MYOM2: variants seen among roughly 807,000 people sequenced by gnomAD.
MYOM2 encodes myomesin-2.
Under a neutral mutation model 187.6 loss-of-function variants are expected in MYOM2, and 254 were observed. The observed-to-expected ratio is 1.35, with a 90% CI of 1.22 to 1.50. MYOM2 has a LOEUF of 1.50. MYOM2 is among the 40% of genes most tolerant of loss of function. The probability of loss-of-function intolerance (pLI) is 0.00; values close to 1 mark genes in which losing one functional copy is unlikely to be tolerated. For missense variants in MYOM2, 2,796 were observed against 1,924.0 expected (o/e 1.45, Z -8.48); for synonymous variants, 981 against 753.8 (o/e 1.30, Z -4.94).
intron 13 of MYOM2, chr8:2,082,318 G>C (rs75911057): frequency 1.3e-5 from 2 of 152,098 alleles, no homozygotes; most frequent in African/African-American, 2.4e-5. Context: ...ATAATGTTTC[G>C]AAGCGAACCA....
intron 6 of MYOM2, 30 bp from the exon 7 acceptor site, chr8:2,069,248 C>G: frequency 6.3e-7 from 1 of 1,597,360 alleles, no homozygotes; most frequent in Non-Finnish European, 8.6e-7. Flanking sequence ...AACAGTCCCG[C>G]AGACTTTCTC....
Position 2,092,422 on chromosome 8 carries a change from T to C in MYOM2, c.1905T>C (p.Pro635=), listed in dbSNP as rs2116737541. ...CGGTGGTGGTGCAGTGGGACCGACC[T>C]AAGCATGAGGAGGACCTGCTGGGCT... ...KTSVVVQWDR[P]KHEEDLLGYY... is the part of the protein sequence containing the mutation. The change falls in exon 16 of 37, where the codon CCT becomes CCC. Residue 635 remains proline, a synonymous_variant. Transcript: ENST00000262113. 1 of 1,614,186 alleles carries C rather than the reference T, an allele frequency of 6.2e-7. No individual in the cohort carries two copies. The highest frequency in any genetic ancestry group is 8.5e-7 in the Non-Finnish European group (1 of 1,180,026).
chr8:2,140,569 G>A (rs1798238801), intron 32 of MYOM2, among the ~76,000 whole-genome samples, 154 bp from the exon 33 acceptor site: 2 of 152,116 alleles, frequency 1.3e-5, no homozygotes, highest in Non-Finnish European at 2.9e-5. Flanking sequence ...TTACTGATGT[G>A]GTCAATACAT....
chr8:2,064,339 G>T (rs140614524), intron 6 of MYOM2, among the ~76,000 whole-genome samples: 1 of 152,200 alleles, frequency 6.6e-6, no homozygotes, highest in African/African-American at 2.4e-5. Context: ...AAGAGAAAAG[G>T]TGAGACAGCG....
Position 2,057,616 on chromosome 8 carries a change from G to T in MYOM2, c.403-7G>T, listed in dbSNP as rs777614031. ...GGGAACCTGACCATCCTTGCTTCTCGGGGCAGATGGAGGACAAGCTGGCCT... is the reference window on the plus strand; with the variant it reads ...GGGAACCTGACCATCCTTGCTTCTCTGGGCAGATGGAGGACAAGCTGGCCT... On this transcript the variant is annotated splice_polypyrimidine_tract_variant and splice_region_variant and intron_variant, in intron 4 of 36. Coordinates refer to ENST00000262113, the MANE Select transcript of MYOM2 (RefSeq NM_003970.4). 1 of 1,613,902 alleles carries T rather than the reference G, an allele frequency of 6.2e-7. No individual in the cohort carries two copies. The highest frequency in any genetic ancestry group is 8.5e-7 in the Non-Finnish European group (1 of 1,179,912).
rs1818653534 is a variant in MYOM2 at position 2,056,065 on chromosome 8, C to G, written c.264-1283C>G. Among the ~76,000 whole-genome samples the G allele has an allele frequency of 2.0e-5, 3 of 152,326 alleles. No homozygotes were observed. The South Asian group carries it at 6.2e-4, about 32-fold the overall frequency. ...CTACTGAGTATTTATGAGACATCTT[C>G]TATGTGCTGAAGCTGGGGAATACAG... On this transcript the variant is annotated intron_variant, in intron 3 of 36. Coordinates refer to ENST00000262113, the MANE Select transcript of MYOM2 (RefSeq NM_003970.4).
chr8:2,097,806 T>A (rs946846742), intron 18 of MYOM2, among the ~76,000 whole-genome samples: 2 of 152,244 alleles, frequency 1.3e-5, no homozygotes, highest in African/African-American at 4.8e-5. Flanking sequence ...CGTGAGTCAC[T>A]GTGCCCAGCC....
At chr8:2,131,693 G>C (rs1047609960) in intron 32 of MYOM2, among the ~76,000 whole-genome samples, 1 of 147,672 alleles carries the variant, frequency 6.8e-6, no homozygotes, top group African/African-American at 2.5e-5. Flanking sequence ...ACCCAGGCTG[G>C]AGTGCAGTGG....
At chr8:2,064,123 C>T (rs191848332) in intron 6 of MYOM2, among the ~76,000 whole-genome samples, 46 of 152,312 alleles carry the variant, frequency 3.0e-4, no homozygotes, top group African/African-American at 9.4e-4. Flanking sequence ...GAAGTCTCCG[C>T]GAGAGTGGCC....
At chr8:2,083,111 C>T (rs1819686191) in intron 13 of MYOM2, among the ~76,000 whole-genome samples, 1 of 152,132 alleles carries the variant, frequency 6.6e-6, no homozygotes, top group African/African-American at 2.4e-5. Context: ...AATGTGAAAG[C>T]ATTTTAAAAC....
chr8:2,123,379 A>T lies in MYOM2; in HGVS notation c.3567+14A>T. On this transcript the variant is annotated intron_variant, in intron 29 of 36. Transcript: ENST00000262113. ...CTCATCCCAAAGGTATCAGGCATTG[A>T]GTAACACAAGAAAGCAAAACAAAAA... 6.6e-7 allele frequency: 1 copy of T among 1,511,300 alleles called. No homozygotes were observed. The highest frequency in any genetic ancestry group is 8.9e-7 in the Non-Finnish European group (1 of 1,128,808). The allele number at this position is 1,511,300 out of a possible 1,614,324, so 93.6% of individuals were successfully genotyped here.
chr8:2,059,393 G>C (rs1350608215), intron 6 of MYOM2, 148 bp downstream of exon 6: 1 of 636,944 alleles, frequency 1.6e-6, no homozygotes, highest in East Asian at 2.7e-5. Flanking sequence ...TGAGTTAATG[G>C]TACTGGTGTT....
chr8:2,142,453 G>T (rs1480319844), intron 35 of MYOM2, 56 bp downstream of exon 35: 1 of 1,586,460 alleles, frequency 6.3e-7, no homozygotes, highest in Non-Finnish European at 8.7e-7. Context: ...TGGGGCAAAA[G>T]TGTCCATATT....
chr8:2,092,657 G>T, intron 16 of MYOM2, 137 bp downstream of exon 16: 1 of 860,300 alleles, frequency 1.2e-6, no homozygotes, highest in South Asian at 2.2e-5. Flanking sequence ...CACACACAAG[G>T]GCTGTATAAT....
Position 2,057,766 on chromosome 8 carries a change from G to A in MYOM2, c.546G>A (p.Thr182=), listed in dbSNP as rs145941359. The A allele has an allele frequency of 5.2e-5, 84 of 1,614,086 alleles. No individual in the cohort carries two copies. The highest frequency in any genetic ancestry group is 6.7e-5 in the African/African-American group (5 of 75,044). The change falls in exon 5 of 37, where the codon ACG becomes ACA. Residue 182 remains threonine, a synonymous_variant. Coordinates refer to ENST00000262113, the MANE Select transcript of MYOM2 (RefSeq NM_003970.4). ...KLCFTVQGFP[T]PVVQWYKDGS... is the part of the protein sequence containing the mutation. ...GCTTCACCGTGCAAGGATTTCCCAC[G>A]CCCGTGGTGCAGTGGTGAGGGGCTC...
rs186685749 is a variant in MYOM2 at position 2,127,241 on chromosome 8, C to T, written c.3695-1886C>T. Among the ~76,000 whole-genome samples, 290 of 152,126 alleles carry T rather than the reference C, an allele frequency of 1.9e-3. 2 individuals carry two copies. Among genetic ancestry groups the T allele is most frequent in the African/African-American group, 6.1e-3 (255 of 41,466 alleles). ...TCCTTGAAGGGTGAACTCCTGTCTC[C>T]GAGTAGAGGAAACAGAGTCCCACCT... is the stretch of plus-strand genomic sequence containing the variant. On this transcript the variant is annotated intron_variant, in intron 31 of 36. Coordinates refer to ENST00000262113, the MANE Select transcript of MYOM2 (RefSeq NM_003970.4).
intron 11 of MYOM2, among the ~76,000 whole-genome samples, chr8:2,077,696 T>C (rs1163023572): frequency 1.3e-5 from 2 of 152,138 alleles, no homozygotes; most frequent in African/African-American, 4.8e-5. Flanking sequence ...AAAAACCATT[T>C]CCTGCACTGT....
chr8:2,086,627 C>T (rs957048458), intron 14 of MYOM2, among the ~76,000 whole-genome samples: 13 of 152,252 alleles, frequency 8.5e-5, no homozygotes, highest in African/African-American at 2.2e-4. Context: ...TGTGGTCACA[C>T]GGCAGCAGGG....
chr8:2,090,137 G>A lies in MYOM2; in HGVS notation c.1774G>A (p.Gly592Ser), dbSNP rs1796246814. ...CCGAGTGCTGTCAGCAAACCGGCAT[G>A]GCCTGAGCGAACCTTCGGAGATAAC... is the stretch of plus-strand genomic sequence containing the variant. Reference protein sequence around the residue: ...VFRVLSANRHGLSEPSEITSP... With the variant: ...VFRVLSANRHSLSEPSEITSP... The change falls in exon 15 of 37, where the codon GGC becomes AGC. Residue 592 changes from glycine (G) to serine (S), a missense_variant. Transcript: ENST00000262113. 6.2e-7 allele frequency: 1 copy of A among 1,614,118 alleles called. No homozygotes were observed. Among genetic ancestry groups the A allele is most frequent in the Middle Eastern group, 1.7e-4 (1 of 6,060 alleles).
Sources: gnomAD v4.1 joint callset for allele counts (sites outside exome capture counted in the v4.1 genomes callset) on GRCh38, gnomAD v4.1.1 for gene constraint, MANE v1.5 for transcripts, NCBI Gene and HGNC (gene_info 2026-07-23, HGNC 2026-07-21) for gene names.